Variants in DNAH11 observed in about 807,000 individuals in gnomAD.
DNAH11 encodes dynein axonemal heavy chain 11.
DNAH11 carries 442 observed loss-of-function variants against 526.0 expected under a neutral mutation model. That is an observed-to-expected ratio of 0.84 (90% confidence interval 0.78 to 0.91). The LOEUF (loss-of-function observed/expected upper bound fraction) is 0.91. Ranked by LOEUF, DNAH11 falls within the 40% of genes least tolerant of loss-of-function variation. The pLI, the probability that DNAH11 is intolerant of heterozygous loss-of-function variation, is 0.00. For synonymous variants in DNAH11, 2,461 were observed against 1,935.9 expected, an observed-to-expected ratio of 1.27 and a Z score of -7.12; for missense variants, 6,989 against 5,448.7, an observed-to-expected ratio of 1.28 and a Z score of -8.90.
intron 2 of DNAH11, among the ~76,000 whole-genome samples, chr7:21,552,051 A>G (rs1783044118): frequency 6.6e-6 from 1 of 152,042 alleles, no homozygotes; most frequent in Non-Finnish European, 1.5e-5. Context: ...CATTCGGGCC[A>G]CCCCTGAGAG....
intron 57 of DNAH11, among the ~76,000 whole-genome samples, chr7:21,780,025 CT>C (rs5882825): frequency 0.74 from 110,456 of 149,736 alleles, 40,811 homozygotes; most frequent in Admixed American, 0.78. Flanking sequence ...AGTTGATTTT[CT>C]TTTTTTTTTT....
Position 21,561,078 on chromosome 7 carries a change from C to G in DNAH11, c.890C>G (p.Ala297Gly), listed in dbSNP as rs1783440144. ...NLSCIYDQLQ[A>G]PVVLKMVKIL... The stretch of plus-strand genomic sequence containing the variant: ...TTTTTTCCTTTAACTTAGCTTCAGG[C>G]ACCTGTTGTCCTCAAAATGGTTAAG... The change falls in exon 5 of 82, where the codon GCA becomes GGA. Residue 297 changes from alanine to glycine, a missense_variant. Ala to Gly is a moderately conservative substitution (Grantham distance 60, BLOSUM62 0). Transcript: ENST00000409508. 1 of 1,594,582 alleles carries G rather than the reference C, an allele frequency of 6.3e-7. No homozygotes were observed. The highest frequency in any genetic ancestry group is 1.3e-5 in the African/African-American group (1 of 74,526).
chr7:21,703,086 G>C (rs902251819), intron 37 of DNAH11, among the ~76,000 whole-genome samples: 1 of 152,204 alleles, frequency 6.6e-6, no homozygotes, highest in African/African-American at 2.4e-5. Context: ...AGTAATCACT[G>C]TTTGATTTCC....
intron 68 of DNAH11, among the ~76,000 whole-genome samples, chr7:21,855,096 A>G (rs541817211): frequency 2.2e-5 from 3 of 138,646 alleles, no homozygotes; most frequent in African/African-American, 8.3e-5. Flanking sequence ...CAGTGGCGCG[A>G]TCTTGGCTCA....
At chr7:21,837,089 A>T (rs1562575564) in intron 65 of DNAH11, among the ~76,000 whole-genome samples, 1 of 152,216 alleles carries the variant, frequency 6.6e-6, no homozygotes, top group Non-Finnish European at 1.5e-5. Context: ...AAGACAAAAA[A>T]TAACAATTGC....
At chr7:21,764,037 A>T (rs1787055138) in intron 54 of DNAH11, among the ~76,000 whole-genome samples, 1 of 151,972 alleles carries the variant, frequency 6.6e-6, no homozygotes, top group Non-Finnish European at 1.5e-5. Flanking sequence ...AGCTGGAGGG[A>T]GGGGAAATAG....
chr7:21,732,026 G>A (rs1005208838), intron 45 of DNAH11, among the ~76,000 whole-genome samples: 5 of 152,180 alleles, frequency 3.3e-5, no homozygotes, highest in South Asian at 4.1e-4. Flanking sequence ...GTTCTGTACC[G>A]TCTGTGGTTT....
At chr7:21,543,924 A>T (rs996711766) in intron 1 of DNAH11, 4 of 363,758 alleles carry the variant, frequency 1.1e-5, no homozygotes, top group African/African-American at 2.1e-5. Flanking sequence ...TGTGCCAAAA[A>T]ACTTGCGTTT....
chr7:21,820,871 C>G (rs896009224), intron 65 of DNAH11, among the ~76,000 whole-genome samples: 6 of 152,126 alleles, frequency 3.9e-5, no homozygotes, highest in Non-Finnish European at 8.8e-5. Context: ...AGTAAGAACT[C>G]TTGGGCACAC....
At chr7:21,548,257 C>T (rs1002172283) in intron 2 of DNAH11, among the ~76,000 whole-genome samples, 1 of 152,154 alleles carries the variant, frequency 6.6e-6, no homozygotes, top group Non-Finnish European at 1.5e-5. Context: ...AGTGTCATGT[C>T]TAGTGCAAGC....
intron 20 of DNAH11, among the ~76,000 whole-genome samples, chr7:21,613,505 G>T (rs1785626547): frequency 6.7e-6 from 1 of 148,666 alleles, no homozygotes; most frequent in Non-Finnish European, 1.5e-5. Flanking sequence ...TGTATGTGAA[G>T]ATATAACTTG....
intron 29 of DNAH11, 117 bp from the exon 30 acceptor site, chr7:21,658,681 G>T: frequency 1.3e-6 from 1 of 756,022 alleles, no homozygotes. Flanking sequence ...TTCTACCTGG[G>T]TTTAAAATGA....
At chr7:21,712,289 C>T (rs1192590069) in intron 42 of DNAH11, among the ~76,000 whole-genome samples, 3 of 152,148 alleles carry the variant, frequency 2.0e-5, no homozygotes, top group African/African-American at 7.2e-5. Context: ...TATAAATGAA[C>T]ACTTGGGTTT....
chr7:21,551,869 T>A (rs1783036606), intron 2 of DNAH11, among the ~76,000 whole-genome samples: 2 of 75,506 alleles, frequency 2.6e-5, no homozygotes, highest in Non-Finnish European at 5.6e-5. Flanking sequence ...GAGCAAATAA[T>A]TTTTTTAACT....
In DNAH11 at chr7:21,850,463, A is replaced by G. The variant is rs2158129; in HGVS notation, c.10897-2004A>G. 9.0e-3 allele frequency among the ~76,000 whole-genome samples: 1,372 copies of G among 151,872 alleles called. 24 individuals are homozygous for G. Among genetic ancestry groups the G allele is most frequent in the African/African-American group, 0.031 (1,267 of 41,474 alleles). On this transcript the variant is annotated intron_variant, in intron 66 of 81. Coordinates refer to ENST00000409508, the MANE Select transcript of DNAH11 (RefSeq NM_001277115.2). ...ATTCTTTGAGTTTCTATCTCTACTT[A>G]CATTGCCCATGTGGTCTTGCATGGT... is the stretch of plus-strand genomic sequence containing the variant.
At chr7:21,616,135 G>C (rs1231951009) in intron 21 of DNAH11, 74 bp from the exon 22 acceptor site, 1 of 1,096,216 alleles carries the variant, frequency 9.1e-7, no homozygotes, top group Non-Finnish European at 1.4e-6. Flanking sequence ...TGTATCATCA[G>C]TTTATATATT....
rs561422192 is a variant in DNAH11 at position 21,691,577 on chromosome 7, A to G, written c.6041+696A>G. Among the ~76,000 whole-genome samples, 12 of 152,324 alleles carry G rather than the reference A, an allele frequency of 7.9e-5. No individual in the cohort carries two copies. The East Asian group carries it at 1.7e-3, about 22-fold the overall frequency. On this transcript the variant is annotated intron_variant, in intron 35 of 81. Coordinates refer to ENST00000409508, the MANE Select transcript of DNAH11 (RefSeq NM_001277115.2). ...TTGGAAAATATAGAAAAGAATAAAG[A>G]AAAAGTTACATCACCATCCAGAAAT...
At chr7:21,739,831 C>G (rs1156785502) in intron 48 of DNAH11, among the ~76,000 whole-genome samples, 158 bp downstream of exon 48, 1 of 152,084 alleles carries the variant, frequency 6.6e-6, no homozygotes, top group East Asian at 1.9e-4. Context: ...TTCTAATAAG[C>G]CTTTTTGTTT....
chr7:21,826,873 G>A (rs1050424633), intron 65 of DNAH11, among the ~76,000 whole-genome samples: 1 of 151,888 alleles, frequency 6.6e-6, no homozygotes, highest in African/African-American at 2.4e-5. Context: ...GTTTGGGGGA[G>A]TTGTTGTTGT....
Sources: gnomAD v4.1 joint callset for allele counts (sites outside exome capture counted in the v4.1 genomes callset) on GRCh38, gnomAD v4.1.1 for gene constraint, MANE v1.5 for transcripts, NCBI Gene and HGNC (gene_info 2026-07-23, HGNC 2026-07-21) for gene names.